PRKN: variants seen among roughly 807,000 people sequenced by gnomAD.
The protein encoded by PRKN is E3 ubiquitin-protein ligase parkin.
In PRKN, 56 loss-of-function variants were observed where a neutral mutation model predicts 59.5. The observed-to-expected ratio is 0.94, with a 90% CI of 0.76 to 1.18. PRKN has a LOEUF of 1.18. PRKN is among the 50% of genes most tolerant of loss of function. PRKN has a pLI of 0.00. For missense variants in PRKN, 657 were observed against 596.4 expected, an observed-to-expected ratio of 1.10 and a Z score of -1.06; for synonymous variants, 250 against 222.1, an observed-to-expected ratio of 1.13 and a Z score of -1.12.
chr6:161,940,891 T>C (rs895587715), intron 6 of PRKN, among the ~76,000 whole-genome samples: 4 of 152,172 alleles, frequency 2.6e-5, no homozygotes, highest in African/African-American at 9.6e-5. Context: ...CACTTGGTGT[T>C]TGTGGTCTCC....
chr6:162,389,479 G>A (rs1787050561), intron 2 of PRKN, among the ~76,000 whole-genome samples: 2 of 152,106 alleles, frequency 1.3e-5, no homozygotes, highest in South Asian at 4.1e-4. Context: ...TTTGCATCTT[G>A]GCATGCTCAT....
chr6:162,069,804 C>T (rs1045879948), intron 4 of PRKN, among the ~76,000 whole-genome samples: 3 of 152,140 alleles, frequency 2.0e-5, no homozygotes, highest in African/African-American at 4.8e-5. Flanking sequence ...CTTAAGAAGA[C>T]ACCTAATCTA....
At position 161,456,816 on chromosome 6, in the gene PRKN, C is replaced by T. The variant is rs578203641; in HGVS notation, c.1084-69939G>A. Among the ~76,000 whole-genome samples the T allele has an allele frequency of 6.6e-6, 1 of 152,242 alleles. No homozygotes were observed. Among genetic ancestry groups the T allele is most frequent in the Admixed American group, 6.5e-5 (1 of 15,286 alleles). ...TCCTCTTCCTCTTCCACCCACATGC[C>T]CAGAGAGCTCAGGGCTTCCTCAGGA... On this transcript the variant is annotated intron_variant, in intron 9 of 11. Transcript: ENST00000366898. This position sits in a 1 kb window ranked among gnomAD's most constrained non-coding sequence, Gnocchi z 4.8.
Position 161,390,036 on chromosome 6 carries a change from T to A in PRKN, c.1084-3159A>T, listed in dbSNP as rs1445576396. Among the ~76,000 whole-genome samples, 8 of 152,320 alleles carry A rather than the reference T, an allele frequency of 5.3e-5. 1 individual carries two copies. The South Asian group carries it at 1.7e-3, about 32-fold the overall frequency. On this transcript the variant is annotated intron_variant, in intron 9 of 11. Transcript: ENST00000366898. This position sits in a 1 kb window ranked among gnomAD's most constrained non-coding sequence, Gnocchi z 7.0. Reference sequence around the variant, plus strand: ...CTGCAGGAATATTCCGGTGATGACTTCACAGGGAGGCACTGGCTAATTTGC... The same window carrying A: ...CTGCAGGAATATTCCGGTGATGACTACACAGGGAGGCACTGGCTAATTTGC...
rs1782468841 is a variant in PRKN, at chr6:162,010,446, T to C, written c.619-37029A>G. Among the ~76,000 whole-genome samples the C allele has an allele frequency of 4.2e-5, 3 of 72,034 alleles. 1 individual carries two copies. The South Asian group carries it at 1.3e-3, about 31-fold the overall frequency. 47.3% of individuals were successfully genotyped at this position (72,034 alleles called of 152,430 possible). A position where few individuals can be genotyped will look rare whatever the true frequency, so the allele number is the denominator to read the frequency against. On this transcript the variant is annotated intron_variant, in intron 5 of 11. Coordinates refer to ENST00000366898, the MANE Select transcript of PRKN (RefSeq NM_004562.3). ...CATTTATAATATGTAATATTTATGATATATAATGTATTTATAATATATATT... is the reference window on the plus strand; with the variant it reads ...CATTTATAATATGTAATATTTATGACATATAATGTATTTATAATATATATT...
At chr6:161,827,270 T>C (rs1206231832) in intron 6 of PRKN, among the ~76,000 whole-genome samples, 1 of 152,164 alleles carries the variant, frequency 6.6e-6, no homozygotes, top group Non-Finnish European at 1.5e-5. Context: ...CACATGTTGT[T>C]TTCCTCTCAG....
chr6:162,095,402 C>A (rs904541055), intron 4 of PRKN, among the ~76,000 whole-genome samples: 1 of 152,066 alleles, frequency 6.6e-6, no homozygotes. Context: ...CTAGAATGAA[C>A]TGGTTAGCTT....
At chr6:162,322,203 T>C (rs111382071) in intron 2 of PRKN, among the ~76,000 whole-genome samples, 4 of 114,902 alleles carry the variant, frequency 3.5e-5, no homozygotes, top group Non-Finnish European at 8.4e-5. Flanking sequence ...CCATTTACAA[T>C]AGATCAACAT....
intron 6 of PRKN, among the ~76,000 whole-genome samples, chr6:161,820,925 T>C (rs1276015648): frequency 2.0e-5 from 3 of 151,848 alleles, no homozygotes; most frequent in Admixed American, 2.0e-4. Context: ...TATGACACTA[T>C]GTAATAAAAT....
intron 6 of PRKN, among the ~76,000 whole-genome samples, chr6:161,910,765 C>T (rs1442250417): frequency 6.6e-6 from 1 of 152,212 alleles, no homozygotes; most frequent in Non-Finnish European, 1.5e-5. Context: ...CAAGTTTCCA[C>T]AGCTGCCCAA....
At chr6:162,396,395 T>A (rs1313314149) in intron 2 of PRKN, among the ~76,000 whole-genome samples, 6 of 152,098 alleles carry the variant, frequency 3.9e-5, no homozygotes, top group Non-Finnish European at 5.9e-5. Context: ...CCCTTTGTTT[T>A]TAGGTGGGAC....
intron 9 of PRKN, among the ~76,000 whole-genome samples, chr6:161,450,234 G>A (rs1275575207): frequency 1.3e-5 from 2 of 152,184 alleles, no homozygotes; most frequent in Admixed American, 6.5e-5. Flanking sequence ...TGGCAAAGAC[G>A]CTGAGCCTTA....
rs140547354 is a variant in PRKN at position 161,757,962 on chromosome 6, A to AATAT, written c.871+27806_871+27809dup. On this transcript the variant is annotated intron_variant, in intron 7 of 11. Coordinates refer to ENST00000366898, the MANE Select transcript of PRKN (RefSeq NM_004562.3). ...ATATATGTATATATATATACAGTTAAATATATATATATATATTTAACATCA... is the reference window on the plus strand; with the variant it reads ...ATATATGTATATATATATACAGTTAAATATATATATATATATATATTTAACATCA... Among the ~76,000 whole-genome samples the AATAT allele has an allele frequency of 3.4e-3, 450 of 134,138 alleles. 4 individuals are homozygous for AATAT. The highest frequency in any genetic ancestry group is 0.02 in the Middle Eastern group (5 of 256). The allele number at this position is 134,138 out of a possible 152,430, so 88.0% of individuals were successfully genotyped here.
intron 1 of PRKN, among the ~76,000 whole-genome samples, chr6:162,630,792 C>A (rs1444490293): frequency 6.6e-6 from 1 of 152,148 alleles, no homozygotes; most frequent in Non-Finnish European, 1.5e-5. Context: ...CTGTCTTACA[C>A]TTGTATTTGG....
chr6:161,915,614 T>C (rs1778525300), intron 6 of PRKN, among the ~76,000 whole-genome samples: 1 of 152,182 alleles, frequency 6.6e-6, no homozygotes, highest in African/African-American at 2.4e-5. Flanking sequence ...GAATATGTTG[T>C]AGAACCAGAA....
chr6:161,968,991 C>A (rs535006912), intron 6 of PRKN, among the ~76,000 whole-genome samples: 2 of 152,210 alleles, frequency 1.3e-5, no homozygotes, highest in East Asian at 3.9e-4. Flanking sequence ...GTGAGAAATT[C>A]TTGTATTCAT....
intron 3 of PRKN, among the ~76,000 whole-genome samples, chr6:162,231,808 T>A (rs969971150): frequency 2.6e-5 from 4 of 152,084 alleles, no homozygotes; most frequent in Non-Finnish European, 4.4e-5. Context: ...ATTAACTACA[T>A]CCCAGAGAGA....
chr6:162,673,194 T>G (rs1207015666), intron 1 of PRKN, among the ~76,000 whole-genome samples: 4 of 152,196 alleles, frequency 2.6e-5, no homozygotes, highest in Non-Finnish European at 4.4e-5. Context: ...CACTGAATGA[T>G]AGTGCCTGCC....
intron 7 of PRKN, among the ~76,000 whole-genome samples, chr6:161,637,583 G>A (rs1289589003): frequency 6.6e-6 from 1 of 152,140 alleles, no homozygotes; most frequent in African/African-American, 2.4e-5. Flanking sequence ...TACAGAACAA[G>A]GTAGCCTTTT....
Sources: gnomAD v4.1 joint callset for allele counts (sites outside exome capture counted in the v4.1 genomes callset) on GRCh38, gnomAD v4.1.1 for gene constraint, Gnocchi (gnomAD v3.1) non-coding constraint, MANE v1.5 for transcripts, NCBI Gene and HGNC (gene_info 2026-07-23, HGNC 2026-07-21) for gene names.